The following PRIM2 variants were observed in gnomAD, a reference collection of about 807,000 sequenced individuals.
PRIM2 encodes DNA primase subunit 2, also known as DNA primase large subunit.
Under a neutral mutation model 67.3 loss-of-function variants are expected in PRIM2, and 39 were observed. The ratio of observed to expected loss-of-function variants is 0.58; its 90% CI spans 0.45 to 0.76. PRIM2 has a LOEUF of 0.76. Ranked by LOEUF, PRIM2 falls within the 30% of genes least tolerant of loss-of-function variation. The pLI is 0.00. For missense variants in PRIM2, 398 were observed against 598.7 expected, an observed-to-expected ratio of 0.66 and a Z score of 3.50; for synonymous variants, 143 against 198.7, an observed-to-expected ratio of 0.72 and a Z score of 2.36.
the PRIM2 span, among the ~76,000 whole-genome samples, chr6:57,243,744 G>T: frequency 1.3e-5 from 2 of 152,162 alleles, no homozygotes; most frequent in African/African-American, 2.4e-5. Flanking sequence ...CGAAGTGCTG[G>T]GATTACAGGT....
chr6:57,353,966 G>T (rs1363089264), intron 5 of PRIM2, among the ~76,000 whole-genome samples: 1 of 152,160 alleles, frequency 6.6e-6, no homozygotes, highest in Non-Finnish European at 1.5e-5. Context: ...GTGTGAGAGA[G>T]AATGTAATTC....
intron 7 of PRIM2, among the ~76,000 whole-genome samples, chr6:57,497,225 C>G (rs1311861886): frequency 2.0e-5 from 3 of 152,118 alleles, no homozygotes; most frequent in Non-Finnish European, 4.4e-5. Context: ...GTTGTTCACC[C>G]TCCTTGAATG....
At chr6:57,610,885 T>C (rs1312740461) in intron 12 of PRIM2, among the ~76,000 whole-genome samples, 169 of 152,266 alleles carry the variant, frequency 1.1e-3, no homozygotes, top group African/African-American at 3.9e-3. Context: ...TAGAACATGT[T>C]ACCCAACAAC....
intron 7 of PRIM2, among the ~76,000 whole-genome samples, chr6:57,438,110 G>C (rs9475951): frequency 0.011 from 1,392 of 127,106 alleles, 19 homozygotes; most frequent in African/African-American, 0.038. Context: ...TTTCTGTGTC[G>C]TCTTTTGTTT....
the PRIM2 span, among the ~76,000 whole-genome samples, chr6:57,260,149 A>G: frequency 6.6e-6 from 1 of 152,232 alleles, no homozygotes; most frequent in African/African-American, 2.4e-5. Flanking sequence ...GATATAGTAT[A>G]GGAAAGAATC....
At chr6:57,291,207 G>T in the PRIM2 span, among the ~76,000 whole-genome samples, 1 of 152,086 alleles carries the variant, frequency 6.6e-6, no homozygotes, top group Non-Finnish European at 1.5e-5. Flanking sequence ...TACCATCAGA[G>T]AATACTATAA....
chr6:57,227,921 T>C, the PRIM2 span, among the ~76,000 whole-genome samples: 3 of 152,222 alleles, frequency 2.0e-5, no homozygotes, highest in Non-Finnish European at 4.4e-5. Flanking sequence ...CATCAAATAC[T>C]TGATGCTCAT....
At chr6:57,490,333 C>T (rs2127409663) in intron 7 of PRIM2, among the ~76,000 whole-genome samples, 1 of 152,148 alleles carries the variant, frequency 6.6e-6, no homozygotes, top group Admixed American at 6.5e-5. Flanking sequence ...TCAAATTCAC[C>T]AAAAGGGACA....
chr6:57,251,291 G>A, the PRIM2 span, among the ~76,000 whole-genome samples: 1 of 152,192 alleles, frequency 6.6e-6, no homozygotes, highest in African/African-American at 2.4e-5. Context: ...GAGACATATA[G>A]TCTAACTTAC....
upstream of PRIM2, among the ~76,000 whole-genome samples, chr6:57,310,234 C>T (rs1697495907): frequency 6.6e-6 from 1 of 152,230 alleles, no homozygotes; most frequent in Non-Finnish European, 1.5e-5. Flanking sequence ...CAAATCAAAA[C>T]CACAATGTGG....
intron 5 of PRIM2, among the ~76,000 whole-genome samples, chr6:57,377,381 T>A (rs1769803623): frequency 6.6e-6 from 1 of 152,168 alleles, no homozygotes; most frequent in South Asian, 2.1e-4. Context: ...TCTCATTTCC[T>A]GGTGTGCTTT....
intron 6 of PRIM2, 39 bp downstream of exon 6, chr6:57,380,035 A>G (rs1305438437): frequency 3.3e-6 from 5 of 1,495,074 alleles, no homozygotes; most frequent in South Asian, 1.3e-5. Flanking sequence ...GTTTTGTTAA[A>G]TATGTCGCAT....
At chr6:57,623,175 C>A (rs1207259393) in intron 12 of PRIM2, among the ~76,000 whole-genome samples, 1 of 152,106 alleles carries the variant, frequency 6.6e-6, no homozygotes, top group African/African-American at 2.4e-5. Context: ...AAATGTGTAA[C>A]GTTCTTGGTA....
intron 10 of PRIM2, among the ~76,000 whole-genome samples, chr6:57,586,289 A>G (rs1776185578): frequency 6.6e-6 from 1 of 152,146 alleles, no homozygotes; most frequent in South Asian, 2.1e-4. Flanking sequence ...GCTGAAGGTG[A>G]CCAAAGAATA....
intron 12 of PRIM2, among the ~76,000 whole-genome samples, chr6:57,624,870 TCA>T (rs1283529033): frequency 3.3e-5 from 5 of 152,186 alleles, no homozygotes; most frequent in African/African-American, 1.2e-4. Flanking sequence ...TTTAATGGAC[TCA>T]CAGTTCCATG....
rs1444018045 is a variant in PRIM2, at chr6:57,470,852, C to T, written c.694-36535C>T. ...CATGCTTTCTTCTCAGCGTTTGGCACTTTAGTTGTCCCTCCCTGCCAACTA... is the reference window on the plus strand; with the variant it reads ...CATGCTTTCTTCTCAGCGTTTGGCATTTTAGTTGTCCCTCCCTGCCAACTA... On this transcript the variant is annotated intron_variant, in intron 7 of 13. Transcript: ENST00000615550. Among the ~76,000 whole-genome samples, 584 of 152,206 alleles carry T rather than the reference C, an allele frequency of 3.8e-3. 2 individuals are homozygous for T. The highest frequency in any genetic ancestry group is 0.013 in the African/African-American group (549 of 41,518).
At chr6:57,535,169 G>T (rs1221800738) in intron 9 of PRIM2, among the ~76,000 whole-genome samples, 109,242 of 151,350 alleles carry the variant, frequency 0.72, 40,090 homozygotes, top group African/African-American at 0.86. Flanking sequence ...AGAAATTGAG[G>T]TGGGTCTTGA....
At chr6:57,314,359 G>A (rs557866528), upstream of PRIM2, among the ~76,000 whole-genome samples, 3 of 152,020 alleles carry the variant, frequency 2.0e-5, no homozygotes, top group East Asian at 3.9e-4. Flanking sequence ...TACTAAAAAA[G>A]CAAAAAAATA....
intron 10 of PRIM2, among the ~76,000 whole-genome samples, chr6:57,585,033 G>A (rs1776163710): frequency 6.6e-6 from 1 of 152,186 alleles, no homozygotes; most frequent in South Asian, 2.1e-4. Flanking sequence ...ACCATAGGAG[G>A]TAATTTGCTG....
Sources: gnomAD v4.1 joint callset for allele counts (sites outside exome capture counted in the v4.1 genomes callset) on GRCh38, gnomAD v4.1.1 for gene constraint, MANE v1.5 for transcripts, NCBI Gene and HGNC (gene_info 2026-07-23, HGNC 2026-07-21) for gene names.